CDH6: variants seen among roughly 807,000 people sequenced by gnomAD.
CDH6 encodes cadherin-6.
A neutral mutation model predicts 78.0 loss-of-function variants in CDH6; 31 were observed. The ratio of observed to expected loss-of-function variants is 0.40; its 90% confidence interval spans 0.30 to 0.54. CDH6 has a LOEUF of 0.54. Ranked by LOEUF, CDH6 falls within the 20% of genes least tolerant of loss-of-function variation. The pLI is 0.56. For synonymous variants in CDH6, 376 were observed against 368.8 expected (o/e 1.02, Z -0.23); for missense variants, 724 against 975.9 (o/e 0.74, Z 3.44).
intron 2 of CDH6, among the ~76,000 whole-genome samples, chr5:31,282,749 A>T (rs1014357437): frequency 1.3e-5 from 2 of 152,190 alleles, no homozygotes; most frequent in Non-Finnish European, 2.9e-5. Flanking sequence ...AGTGTAAAAA[A>T]TAATTGTCAA....
chr5:31,214,981 G>A (rs1740824534), intron 1 of CDH6, among the ~76,000 whole-genome samples: 1 of 151,856 alleles, frequency 6.6e-6, no homozygotes, highest in Non-Finnish European at 1.5e-5. Flanking sequence ...ACCCACTTTG[G>A]GATAAATTGG....
At chr5:31,239,313 A>G (rs2149918180) in intron 1 of CDH6, among the ~76,000 whole-genome samples, 1 of 152,322 alleles carries the variant, frequency 6.6e-6, no homozygotes, top group East Asian at 1.9e-4. Context: ...GGAACACAGA[A>G]GAAATAGAAA....
At position 31,325,601 on chromosome 5, in the gene CDH6, G is replaced by T. The variant is rs1394399487; in HGVS notation, c.*2293G>T. 17 of 230,924 alleles carry T rather than the reference G, an allele frequency of 7.4e-5. No individual in the cohort carries two copies. In the East Asian group the frequency reaches 1.0e-3, roughly 14 times the overall value. 14.3% of individuals were successfully genotyped at this position (230,924 alleles called of 1,614,324 possible). A position where few individuals can be genotyped will look rare whatever the true frequency, so the allele number is the denominator to read the frequency against. On this transcript the variant is annotated 3_prime_UTR_variant, in exon 12 of 12. Transcript: ENST00000265071. ...AAGAAAGGTATCATCTGAAGTTGAGGATTGACACTAGCAGTTTCCAATGTT... is the reference window on the plus strand; with the variant it reads ...AAGAAAGGTATCATCTGAAGTTGAGTATTGACACTAGCAGTTTCCAATGTT...
chr5:31,292,797 GTGTGTGCA>G, intron 2 of CDH6, among the ~76,000 whole-genome samples: 2 of 144,298 alleles, frequency 1.4e-5, no homozygotes, highest in African/African-American at 2.6e-5. Context: ...GTATATATAT[GTGTGTGCA>G]TATATATATA....
chr5:31,204,054 G>T (rs1472369328), intron 1 of CDH6, among the ~76,000 whole-genome samples: 3 of 152,196 alleles, frequency 2.0e-5, no homozygotes, highest in Admixed American at 2.0e-4. Flanking sequence ...CATAACTTTT[G>T]CATTCATAGC....
At chr5:31,254,268 T>C (rs933709300) in intron 1 of CDH6, among the ~76,000 whole-genome samples, 4 of 152,320 alleles carry the variant, frequency 2.6e-5, no homozygotes, top group African/African-American at 4.8e-5. Context: ...ATACCAGCCA[T>C]TTGGAAATGC....
In CDH6 at chr5:31,317,538, C is replaced by T. The variant is rs113962734; in HGVS notation, c.1630+46C>T. The T allele has an allele frequency of 3.3e-4, 494 of 1,513,104 alleles. No homozygotes were observed. The African/African-American group carries it at 5.8e-3, about 18-fold the overall frequency. The allele number at this position is 1,513,104 out of a possible 1,614,324, so 93.7% of individuals were successfully genotyped here. On this transcript the variant is annotated intron_variant, in intron 10 of 11. Transcript: ENST00000265071. ...TTCTCTATCTATCTCCATCTATATC[C>T]GTAACTGTTTCTGTATGTATATGTG...
At chr5:31,292,197 T>C (rs1467724450) in intron 2 of CDH6, among the ~76,000 whole-genome samples, 1 of 152,206 alleles carries the variant, frequency 6.6e-6, no homozygotes, top group Admixed American at 6.5e-5. Flanking sequence ...CAAAGTATCT[T>C]TTTTGGAAAA....
intron 1 of CDH6, among the ~76,000 whole-genome samples, chr5:31,200,790 G>C (rs1740331571): frequency 6.6e-6 from 1 of 152,050 alleles, no homozygotes; most frequent in South Asian, 2.1e-4. Context: ...GGTTGACATT[G>C]ATGAGCCATT....
chr5:31,233,586 T>C (rs1055461558), intron 1 of CDH6, among the ~76,000 whole-genome samples: 8 of 152,152 alleles, frequency 5.3e-5, no homozygotes, highest in African/African-American at 1.9e-4. Context: ...CTCATTAAAA[T>C]TTCTGGTCAT....
At chr5:31,209,867 A>C (rs1740643171) in intron 1 of CDH6, among the ~76,000 whole-genome samples, 1 of 152,098 alleles carries the variant, frequency 6.6e-6, no homozygotes, top group South Asian at 2.1e-4. Context: ...TGCTGGTGGC[A>C]ATTGGAGCTA....
intron 1 of CDH6, among the ~76,000 whole-genome samples, chr5:31,232,658 GT>G (rs1193054173): frequency 6.6e-6 from 1 of 152,258 alleles, no homozygotes; most frequent in African/African-American, 2.4e-5. Flanking sequence ...ATGGATTTGA[GT>G]GGCCAATGAA....
intron 2 of CDH6, among the ~76,000 whole-genome samples, chr5:31,274,999 C>A (rs1045796004): frequency 6.6e-6 from 1 of 152,140 alleles, no homozygotes; most frequent in African/African-American, 2.4e-5. Context: ...TGAGTCTATT[C>A]TATAGGCATT....
intron 1 of CDH6, among the ~76,000 whole-genome samples, chr5:31,211,110 A>G (rs2111804718): frequency 6.6e-6 from 1 of 152,330 alleles, no homozygotes; most frequent in East Asian, 1.9e-4. Flanking sequence ...TTTTGGGAAT[A>G]GACTGACTAG....
rs1221534773 is a variant in CDH6, at chr5:31,324,513, G to C, written c.*1205G>C. ...ATATTCCATGTTTGGAAGACCCTTGGAAGAGGAAAATTGGATTCCCTTAAA... is the reference window on the plus strand; with the variant it reads ...ATATTCCATGTTTGGAAGACCCTTGCAAGAGGAAAATTGGATTCCCTTAAA... On this transcript the variant is annotated 3_prime_UTR_variant, in exon 12 of 12. Transcript: ENST00000265071. 1.4e-5 allele frequency: 3 copies of C among 210,000 alleles called. No homozygotes were observed. The highest frequency in any genetic ancestry group is 1.5e-4 in the East Asian group (2 of 13,784). 13.0% of individuals were successfully genotyped at this position (210,000 alleles called of 1,614,324 possible).
intron 7 of CDH6, 62 bp from the exon 8 acceptor site, chr5:31,313,256 C>T: frequency 6.8e-7 from 1 of 1,464,218 alleles, no homozygotes; most frequent in South Asian, 1.2e-5. Context: ...TTATGATGTT[C>T]TATGATGTGA....
At chr5:31,227,299 G>A (rs1343547104) in intron 1 of CDH6, among the ~76,000 whole-genome samples, 1 of 152,124 alleles carries the variant, frequency 6.6e-6, no homozygotes, top group East Asian at 1.9e-4. Context: ...CACGGTGGAC[G>A]TGGAAGACAA....
chr5:31,271,816 AT>A (rs1742538514), intron 2 of CDH6, among the ~76,000 whole-genome samples: 1 of 152,172 alleles, frequency 6.6e-6, no homozygotes, highest in African/African-American at 2.4e-5. Context: ...AGAAATCTGC[AT>A]TTTAACAAGA....
Position 31,324,098 on chromosome 5 carries a change from TG to T in CDH6, c.*792del, listed in dbSNP as rs1738555212. ...ATATTTTACCATACATTTAAAGTTT[TG>T]GCCACCACATGTATCACGGGTCACT... On this transcript the variant is annotated 3_prime_UTR_variant, in exon 12 of 12. Coordinates refer to ENST00000265071, the MANE Select transcript of CDH6 (RefSeq NM_004932.4). 1 of 222,056 alleles carries T rather than the reference TG, an allele frequency of 4.5e-6. No homozygotes were observed. The highest frequency in any genetic ancestry group is 9.0e-6 in the Non-Finnish European group (1 of 111,144). The allele number at this position is 222,056 out of a possible 1,614,324, so 13.8% of individuals were successfully genotyped here. A position where few individuals can be genotyped will look rare whatever the true frequency, so the allele number is the denominator to read the frequency against.
Sources: allele counts gnomAD v4.1 joint callset (sites outside exome capture counted in the v4.1 genomes callset), GRCh38; gene constraint gnomAD v4.1.1; transcripts MANE v1.5; gene names NCBI Gene and HGNC (gene_info 2026-07-23, HGNC 2026-07-21).